The following MYO5A variants were observed in gnomAD, a reference collection of about 807,000 sequenced individuals.
MYO5A encodes the protein unconventional myosin-Va.
In MYO5A, 98 loss-of-function variants were observed where a neutral mutation model predicts 249.7. That is an observed-to-expected ratio of 0.39 (90% CI 0.33 to 0.46). The LOEUF is 0.46. MYO5A is among the 20% of genes least tolerant of loss of function. The pLI is 0.98. For synonymous variants in MYO5A, 778 were observed against 810.6 expected (o/e 0.96, Z 0.68); for missense variants, 1,696 against 2,308.8 (o/e 0.73, Z 5.44).
intron 1 of MYO5A, among the ~76,000 whole-genome samples, chr15:52,449,931 G>A (rs924423971): frequency 1.6e-4 from 25 of 152,268 alleles, no homozygotes; most frequent in African/African-American, 5.5e-4. Flanking sequence ...GAGCCTGGGA[G>A]GTCAAGGCTG....
At chr15:52,350,657 A>T (rs1350838479) in intron 28 of MYO5A, among the ~76,000 whole-genome samples, 3 of 152,306 alleles carry the variant, frequency 2.0e-5, no homozygotes, top group Admixed American at 2.0e-4. Context: ...AGCATACGGC[A>T]GCACTGGGTC....
At chr15:52,353,804 A>G (rs2040069544) in intron 26 of MYO5A, 67 bp downstream of exon 26, 1 of 1,607,880 alleles carries the variant, frequency 6.2e-7, no homozygotes, top group African/African-American at 1.3e-5. Flanking sequence ...AGTCTCCACT[A>G]AGGAAGAGAC....
chr15:52,368,048 G>A (rs1410343652), intron 22 of MYO5A, among the ~76,000 whole-genome samples: 1 of 152,172 alleles, frequency 6.6e-6, no homozygotes, highest in Non-Finnish European at 1.5e-5. Flanking sequence ...CTTATGATGA[G>A]TAAAATCTGA....
chr15:52,361,058 A>G (rs2040498036), intron 24 of MYO5A, among the ~76,000 whole-genome samples: 1 of 152,196 alleles, frequency 6.6e-6, no homozygotes, highest in African/African-American at 2.4e-5. Flanking sequence ...TATGGAGAGC[A>G]GACTCATCCA....
intron 1 of MYO5A, among the ~76,000 whole-genome samples, chr15:52,455,927 T>C (rs2076109061): frequency 6.6e-6 from 1 of 152,064 alleles, no homozygotes; most frequent in Admixed American, 6.5e-5. Flanking sequence ...TGTCTACTTT[T>C]ACTTTTATTC....
chr15:52,443,536 C>T (rs2075826112), intron 1 of MYO5A, among the ~76,000 whole-genome samples: 1 of 151,218 alleles, frequency 6.6e-6, no homozygotes, highest in South Asian at 2.1e-4. Context: ...CATGGAGAAA[C>T]CCCGTCTCTA....
At chr15:52,501,008 C>T (rs1217938193) in intron 1 of MYO5A, among the ~76,000 whole-genome samples, 2 of 151,550 alleles carry the variant, frequency 1.3e-5, no homozygotes, top group African/African-American at 2.4e-5. Flanking sequence ...CTTGCTCTGT[C>T]GCCCAGGCTG....
At chr15:52,371,741 G>A (rs750426313) in intron 21 of MYO5A, among the ~76,000 whole-genome samples, 6 of 152,070 alleles carry the variant, frequency 3.9e-5, no homozygotes, top group Middle Eastern at 3.4e-3. Flanking sequence ...GTGGTAGTAC[G>A]TGCCTGTAGT....
intron 18 of MYO5A, among the ~76,000 whole-genome samples, chr15:52,377,688 AG>A (rs2141112764): frequency 6.6e-6 from 1 of 150,678 alleles, no homozygotes; most frequent in South Asian, 2.1e-4. Context: ...CTCCTGCCTC[AG>A]CCCCCTGAGT....
rs2290336 is a variant in MYO5A, at chr15:52,375,538, T to C, written c.2421-78A>G. ...ATACATATTAGAGAAACTTAAAGAG[T>C]GTCACTGTTTTAGGCATAAATAGTA... On this transcript the variant is annotated intron_variant, in intron 19 of 41. Coordinates refer to ENST00000399233, the MANE Select transcript of MYO5A (RefSeq NM_001382347.1). 258,353 of 1,490,476 alleles carry C rather than the reference T, an allele frequency of 0.17. 29,338 individuals are homozygous for C. The highest frequency in any genetic ancestry group is 0.56 in the East Asian group (24,594 of 43,566). The allele number at this position is 1,490,476 out of a possible 1,614,324, so 92.3% of individuals were successfully genotyped here. A position where few individuals can be genotyped will look rare whatever the true frequency, so the allele number is the denominator to read the frequency against.
intron 1 of MYO5A, among the ~76,000 whole-genome samples, chr15:52,473,968 T>C (rs2076534838): frequency 6.6e-6 from 1 of 152,222 alleles, no homozygotes; most frequent in Non-Finnish European, 1.5e-5. Flanking sequence ...ATTGAATCTA[T>C]AAATTACCTT....
At chr15:52,346,212 A>C (rs1166106979) in intron 30 of MYO5A, 149 bp downstream of exon 30, 5 of 639,346 alleles carry the variant, frequency 7.8e-6, no homozygotes, top group Non-Finnish European at 1.4e-5. Context: ...CTTAACTAGA[A>C]ATACACTGGA....
chr15:52,376,526 C>A lies in MYO5A; in HGVS notation c.2241G>T (p.Lys747Asn). The change falls in exon 19 of 42, where the codon AAG becomes AAT. Residue 747 changes from lysine (K) to asparagine (N), a missense_variant. By Grantham distance (94) the Lys-to-Asn change is moderately conservative (BLOSUM62 0). Coordinates refer to ENST00000399233, the MANE Select transcript of MYO5A (RefSeq NM_001382347.1). ...DKDKYQFGKT[K>N]IFFRAGQVAY... ...CCACTTGACCGGCACGGAAAAAGAT[C>A]TTTGTCTTACCAAACTGGTATTTGT... 1 of 1,614,152 alleles carries A rather than the reference C, an allele frequency of 6.2e-7. No individual in the cohort carries two copies. Among genetic ancestry groups the A allele is most frequent in the Non-Finnish European group, 8.5e-7 (1 of 1,180,026 alleles).
chr15:52,463,126 T>C (rs1014415020), intron 1 of MYO5A, among the ~76,000 whole-genome samples: 2 of 152,164 alleles, frequency 1.3e-5, no homozygotes, highest in Admixed American at 1.3e-4. Context: ...TTTTCTTGAG[T>C]GACAGGTACT....
At chr15:52,376,902 C>A (rs1481751423) in intron 18 of MYO5A, among the ~76,000 whole-genome samples, 1 of 152,126 alleles carries the variant, frequency 6.6e-6, no homozygotes, top group African/African-American at 2.4e-5. Flanking sequence ...CTCTGACTGA[C>A]CCAGGTTGTA....
At chr15:52,436,012 G>A (rs1335792591) in intron 1 of MYO5A, among the ~76,000 whole-genome samples, 1 of 152,186 alleles carries the variant, frequency 6.6e-6, no homozygotes, top group African/African-American at 2.4e-5. Context: ...CCGCTTCTGG[G>A]GTTCAAGCGA....
In MYO5A at chr15:52,322,701, A is replaced by G. The variant is rs143026278; in HGVS notation, c.4800+654T>C. 5.9e-5 allele frequency among the ~76,000 whole-genome samples: 9 copies of G among 152,334 alleles called. 1 individual carries two copies. Among genetic ancestry groups the G allele is most frequent in the African/African-American group, 2.2e-4 (9 of 41,586 alleles). Reference sequence around the variant, plus strand: ...AGTCTATCAAACAACTAATGAACATATCCCCACAAACAAAAACAATAGAGT... The same window carrying G: ...AGTCTATCAAACAACTAATGAACATGTCCCCACAAACAAAAACAATAGAGT... On this transcript the variant is annotated intron_variant, in intron 37 of 41. Coordinates refer to ENST00000399233, the MANE Select transcript of MYO5A (RefSeq NM_001382347.1).
At chr15:52,385,705 A>T (rs1372585265) in intron 14 of MYO5A, among the ~76,000 whole-genome samples, 1 of 152,214 alleles carries the variant, frequency 6.6e-6, no homozygotes, top group Non-Finnish European at 1.5e-5. Context: ...CACATAACAC[A>T]GATATTAATC....
rs1351624602 is a variant in MYO5A, at chr15:52,330,447, T to C, written c.4461A>G (p.Arg1487=). 1.2e-5 allele frequency: 20 copies of C among 1,613,986 alleles called. No homozygotes were observed. Among genetic ancestry groups the C allele is most frequent in the Non-Finnish European group, 1.6e-5 (19 of 1,179,986 alleles). The change falls in exon 35 of 42, where the codon CGA becomes CGG. Residue 1487 remains arginine (R), a synonymous_variant. Transcript: ENST00000399233. The part of the protein sequence containing the change: ...SPGQIIDEPI[R]PVNIPRKEKD... Reference sequence around the variant, plus strand: ...TTTCTTTCCTGGGAATGTTGACTGGTCGGATGGGTTCATCAATGATCTGTC... The same window carrying C: ...TTTCTTTCCTGGGAATGTTGACTGGCCGGATGGGTTCATCAATGATCTGTC...
Sources: allele counts gnomAD v4.1 joint callset (sites outside exome capture counted in the v4.1 genomes callset), GRCh38; gene constraint gnomAD v4.1.1; transcripts MANE v1.5; gene names NCBI Gene and HGNC (gene_info 2026-07-23, HGNC 2026-07-21).